Variants in ZFAT observed in about 807,000 individuals in gnomAD.
The protein encoded by ZFAT is zinc finger protein ZFAT.
In ZFAT, 64 loss-of-function variants were observed where a neutral mutation model predicts 117.7. That is an observed-to-expected ratio of 0.54 (90% CI 0.44 to 0.67). The LOEUF (loss-of-function observed/expected upper bound fraction) is 0.67. Among genes scored for constraint, ZFAT ranks in the 30% least tolerant of loss-of-function variants. ZFAT has a pLI of 0.00. For missense variants in ZFAT, 1,433 were observed against 1,584.5 expected (o/e 0.90, Z 1.62); for synonymous variants, 679 against 615.0 (o/e 1.10, Z -1.54).
At chr8:134,646,017 C>G (rs1830869008) in intron 2 of ZFAT, among the ~76,000 whole-genome samples, 2 of 151,742 alleles carry the variant, frequency 1.3e-5, no homozygotes, top group Admixed American at 6.6e-5. Context: ...TCCTGGCCAA[C>G]ACAGTGAAAC....
rs192292042 is a variant in ZFAT at position 134,610,520 on chromosome 8, G to A, written c.584C>T (p.Ala195Val). 3.0e-4 allele frequency: 483 copies of A among 1,614,002 alleles called. No homozygotes were observed. Among genetic ancestry groups the A allele is most frequent in the East Asian group, 4.0e-4 (18 of 44,864 alleles). ...AACCACACTTATGATGGGTTTCTTC[G>A]CCCCAGAAAGCTGTCTGGCCTCCTT... ...SGKEARQLSG[A>V]KKPIISVVLT... Residue 195 changes from alanine (A) to valine (V), a missense_variant, in exon 4 of 16, where the codon GCG (alanine) becomes GTG (valine). By Grantham distance (64) the Ala-to-Val change is moderately conservative (BLOSUM62 0). Around this residue, in one of 5 missense-constraint regions of ZFAT, gnomAD observed 436 missense variants for 482.0 expected, o/e 0.90. Coordinates refer to ENST00000377838, the MANE Select transcript of ZFAT (RefSeq NM_020863.4).
intron 14 of ZFAT, chr8:134,510,190 A>C (rs531891690): frequency 5.5e-5 from 25 of 455,362 alleles, no homozygotes; most frequent in Non-Finnish European, 1.1e-4. Context: ...GTTATGGGCA[A>C]AACATCCAAA....
At chr8:134,506,344 G>T (rs981503672) in intron 15 of ZFAT, among the ~76,000 whole-genome samples, 1 of 152,222 alleles carries the variant, frequency 6.6e-6, no homozygotes, top group Non-Finnish European at 1.5e-5. Context: ...ACGCAAGCAT[G>T]ATTCTTTCTG....
At chr8:134,672,395 C>T (rs71528371) in intron 1 of ZFAT, among the ~76,000 whole-genome samples, 19,223 of 151,974 alleles carry the variant, frequency 0.13, 1,323 homozygotes, top group Non-Finnish European at 0.15. Flanking sequence ...CATCACACAC[C>T]GGGGCCTGTT....
the ZFAT span, among the ~76,000 whole-genome samples, chr8:134,736,314 G>A: frequency 1.3e-5 from 2 of 152,194 alleles, no homozygotes; most frequent in Non-Finnish European, 2.9e-5. Flanking sequence ...AGTTATAAGT[G>A]ACCCTCATGA....
At chr8:134,773,853 A>G in the ZFAT span, among the ~76,000 whole-genome samples, 1 of 152,216 alleles carries the variant, frequency 6.6e-6, no homozygotes, top group Non-Finnish European at 1.5e-5. Context: ...TTATGGATAA[A>G]CAAAGAAAGT....
At chr8:134,537,054 T>A (rs554195455) in intron 11 of ZFAT, among the ~76,000 whole-genome samples, 3 of 152,188 alleles carry the variant, frequency 2.0e-5, no homozygotes, top group Non-Finnish European at 4.4e-5. Flanking sequence ...AGTAATGAGA[T>A]CTAACATGAT....
chr8:134,830,886 C>G, the ZFAT span, among the ~76,000 whole-genome samples: 1 of 152,166 alleles, frequency 6.6e-6, no homozygotes, highest in African/African-American at 2.4e-5. Context: ...ATAATTCATT[C>G]TAACGTTTGG....
chr8:134,653,018 C>G (rs1831341160), intron 2 of ZFAT, among the ~76,000 whole-genome samples: 1 of 151,108 alleles, frequency 6.6e-6, no homozygotes, highest in Admixed American at 6.6e-5. Context: ...CATATGTCAT[C>G]AAAAAAAGGT....
chr8:134,520,934 C>T lies in ZFAT; in HGVS notation c.3183G>A (p.Lys1061=). Residue 1061 remains lysine (K), a synonymous_variant, in exon 13 of 16, where the codon AAG becomes AAA. Transcript: ENST00000377838. ...GTKWEFNRHL[K]NKHGLKVVEI... is the part of the protein sequence containing the mutation. ...CCACCACCTTCAAGCCATGTTTGTTCTTCAAGTGCCTATTGAACTCCCATT... is the reference window on the plus strand; with the variant it reads ...CCACCACCTTCAAGCCATGTTTGTTTTTCAAGTGCCTATTGAACTCCCATT... 1 of 1,613,900 alleles carries T rather than the reference C, an allele frequency of 6.2e-7. No individual in the cohort carries two copies. Among genetic ancestry groups the T allele is most frequent in the Non-Finnish European group, 8.5e-7 (1 of 1,179,836 alleles).
intron 11 of ZFAT, among the ~76,000 whole-genome samples, chr8:134,549,610 G>T (rs889559473): frequency 6.6e-6 from 1 of 152,144 alleles, no homozygotes; most frequent in Non-Finnish European, 1.5e-5. Context: ...CCCTATACTG[G>T]GCAGTGGGCA....
In ZFAT at chr8:134,494,290, G is replaced by A. The variant is rs375212409; in HGVS notation, c.3492+15329C>T. Among the ~76,000 whole-genome samples the A allele has an allele frequency of 1.2e-4, 19 of 152,318 alleles. 1 individual carries two copies. Among genetic ancestry groups the A allele is most frequent in the Admixed American group, 7.8e-4 (12 of 15,304 alleles). ...TTCCTTTGTACATTTCCACCTGCCTGACTTTCACAAAATCACCCCCGTGAC... is the reference window on the plus strand; with the variant it reads ...TTCCTTTGTACATTTCCACCTGCCTAACTTTCACAAAATCACCCCCGTGAC... On this transcript the variant is annotated intron_variant, in intron 15 of 15. Transcript: ENST00000377838.
At chr8:134,499,375 G>C (rs1175890474) in intron 15 of ZFAT, among the ~76,000 whole-genome samples, 2 of 149,124 alleles carry the variant, frequency 1.3e-5, no homozygotes, top group African/African-American at 5.0e-5. Context: ...AGCCTGATTT[G>C]GGAGGGTTGT....
At chr8:134,649,683 C>T (rs1263024356) in intron 2 of ZFAT, among the ~76,000 whole-genome samples, 1 of 152,084 alleles carries the variant, frequency 6.6e-6, no homozygotes, top group Non-Finnish European at 1.5e-5. Flanking sequence ...AAAAATACAA[C>T]ACATTGTTGA....
intron 10 of ZFAT, among the ~76,000 whole-genome samples, chr8:134,570,755 A>ACCCACCAT (rs1824833541): frequency 6.6e-6 from 1 of 152,162 alleles, no homozygotes; most frequent in African/African-American, 2.4e-5. Flanking sequence ...ATGTCGTCAT[A>ACCCACCAT]CCCACCATCT....
intron 3 of ZFAT, among the ~76,000 whole-genome samples, chr8:134,627,769 C>G (rs1046364216): frequency 6.6e-6 from 1 of 152,236 alleles, no homozygotes; most frequent in African/African-American, 2.4e-5. Context: ...CGGCACTGTT[C>G]TGAATGCTAC....
At chr8:134,782,695 G>A in the ZFAT span, among the ~76,000 whole-genome samples, 1 of 151,904 alleles carries the variant, frequency 6.6e-6, no homozygotes, top group South Asian at 2.1e-4. Flanking sequence ...TCATTCTCTT[G>A]TCTGCTGCCA....
chr8:134,615,020 A>G (rs1828618516), intron 3 of ZFAT, among the ~76,000 whole-genome samples: 1 of 152,190 alleles, frequency 6.6e-6, no homozygotes, highest in Admixed American at 6.5e-5. Context: ...AAAACCTGGA[A>G]GAGACAAAAG....
At chr8:134,608,251 G>C (rs1828041245) in intron 5 of ZFAT, among the ~76,000 whole-genome samples, 1 of 152,130 alleles carries the variant, frequency 6.6e-6, no homozygotes, top group Admixed American at 6.5e-5. Flanking sequence ...AGAAGCACAT[G>C]AACTAAACTA....
Sources: allele counts gnomAD v4.1 joint callset (sites outside exome capture counted in the v4.1 genomes callset), GRCh38; gene constraint gnomAD v4.1.1; regional missense constraint gnomAD v4.1.1; transcripts MANE v1.5; gene names NCBI Gene and HGNC (gene_info 2026-07-23, HGNC 2026-07-21).